Variants in TBC1D32 observed in about 807,000 individuals in gnomAD.
The protein encoded by TBC1D32 is TBC1 domain family member 32, also known as protein broad-minded.
In TBC1D32, 151 loss-of-function variants were observed where a neutral mutation model predicts 170.3. The ratio of observed to expected loss-of-function variants is 0.89; its 90% CI spans 0.78 to 1.01. TBC1D32 has a LOEUF of 1.01. TBC1D32 is among the 50% of genes least tolerant of loss of function. The probability of loss-of-function intolerance (pLI) is 0.00; values close to 1 mark genes in which losing one functional copy is unlikely to be tolerated. For missense variants in TBC1D32, 1,464 were observed against 1,457.1 expected, an observed-to-expected ratio of 1.00 and a Z score of -0.08; for synonymous variants, 498 against 488.0, an observed-to-expected ratio of 1.02 and a Z score of -0.27.
At chr6:121,112,913 A>G in intron 28 of TBC1D32, 149 bp downstream of exon 28, 1 of 642,780 alleles carries the variant, frequency 1.6e-6, no homozygotes, top group Non-Finnish European at 2.5e-6. Flanking sequence ...TAAAATACAG[A>G]ATAAAATACT....
rs1357744512 is a variant in TBC1D32 at position 121,304,514 on chromosome 6, A to G, written c.873+8T>C. On this transcript the variant is annotated splice_region_variant and intron_variant, in intron 7 of 31. Coordinates refer to ENST00000398212, the MANE Select transcript of TBC1D32 (RefSeq NM_152730.6). ...TAAAAATGAAAGCATATTGTAGTAA[A>G]TGGATACCTTTTTAAGTAAGCGAGT... 6.2e-7 allele frequency: 1 copy of G among 1,605,926 alleles called. No individual in the cohort carries two copies. The highest frequency in any genetic ancestry group is 1.7e-5 in the Admixed American group (1 of 59,264).
intron 24 of TBC1D32, among the ~76,000 whole-genome samples, chr6:121,148,640 G>A (rs1783794446): frequency 6.6e-6 from 1 of 151,792 alleles, no homozygotes; most frequent in South Asian, 2.1e-4. Flanking sequence ...TTTAGATGGA[G>A]TCTCGCTCTG....
chr6:121,100,233 T>C lies in TBC1D32; in HGVS notation c.3465+5790A>G, dbSNP rs572931720. Among the ~76,000 whole-genome samples the C allele has an allele frequency of 2.6e-5, 4 of 152,114 alleles. 1 individual carries two copies. Among genetic ancestry groups the C allele is most frequent in the South Asian group, 4.1e-4 (2 of 4,826 alleles). On this transcript the variant is annotated intron_variant, in intron 30 of 31. Coordinates refer to ENST00000398212, the MANE Select transcript of TBC1D32 (RefSeq NM_152730.6). ...AAGTGCGATGTGGTGCTGAGAAGAA[T>C]GTATATTCTGCTGATATGGGGTGGA...
intron 21 of TBC1D32, among the ~76,000 whole-genome samples, chr6:121,218,672 T>G (rs1794122542): frequency 6.6e-6 from 1 of 152,126 alleles, no homozygotes; most frequent in Admixed American, 6.5e-5. Flanking sequence ...TAGATATATA[T>G]ATAGATACAT....
At chr6:121,292,425 T>C (rs899054984) in intron 11 of TBC1D32, among the ~76,000 whole-genome samples, 2 of 152,194 alleles carry the variant, frequency 1.3e-5, no homozygotes, top group South Asian at 2.1e-4. Flanking sequence ...AGTATACATA[T>C]AGTGTCCATT....
intron 30 of TBC1D32, among the ~76,000 whole-genome samples, chr6:121,104,893 G>T (rs568225706): frequency 2.2e-4 from 33 of 151,620 alleles, no homozygotes; most frequent in African/African-American, 8.0e-4. Flanking sequence ...AATTTAAATG[G>T]CCAGTTTAAA....
intron 26 of TBC1D32, among the ~76,000 whole-genome samples, chr6:121,122,874 A>G (rs1780417525): frequency 6.6e-6 from 1 of 152,032 alleles, no homozygotes; most frequent in South Asian, 2.1e-4. Flanking sequence ...CTGCATGGAA[A>G]GAAAGTATGA....
Position 121,154,034 on chromosome 6 carries a change from G to C in TBC1D32, c.2773+5976C>G, listed in dbSNP as rs564082044. 5.4e-5 allele frequency among the ~76,000 whole-genome samples: 3 copies of C among 55,884 alleles called. No individual in the cohort carries two copies. In the East Asian group the frequency reaches 1.2e-3, roughly 22 times the overall value. The allele number at this position is 55,884 out of a possible 152,430, so 36.7% of individuals were successfully genotyped here. A position where few individuals can be genotyped will look rare whatever the true frequency, so the allele number is the denominator to read the frequency against. ...CTTGATGGCATTCCAGGAGACACTA[G>C]GGTACAAAAAAAAAAAAAAAACCTC... On this transcript the variant is annotated intron_variant, in intron 24 of 31. Coordinates refer to ENST00000398212, the MANE Select transcript of TBC1D32 (RefSeq NM_152730.6).
At chr6:121,230,673 G>A (rs76740188) in intron 20 of TBC1D32, among the ~76,000 whole-genome samples, 3,651 of 150,992 alleles carry the variant, frequency 0.024, 163 homozygotes, top group East Asian at 0.12. Context: ...ATACACACAC[G>A]TGTATATATA....
chr6:121,287,718 C>T (rs1804105795), intron 12 of TBC1D32, among the ~76,000 whole-genome samples: 3 of 152,152 alleles, frequency 2.0e-5, no homozygotes, highest in Non-Finnish European at 4.4e-5. Context: ...CAACACCACA[C>T]CGCACTTATT....
intron 11 of TBC1D32, among the ~76,000 whole-genome samples, chr6:121,293,162 T>G (rs1172166289): frequency 6.6e-6 from 1 of 151,222 alleles, no homozygotes; most frequent in Non-Finnish European, 1.5e-5. Context: ...TGAAGCACCC[T>G]GAGGTCTTTA....
At chr6:121,097,824 A>T (rs1033491310) in intron 30 of TBC1D32, among the ~76,000 whole-genome samples, 13 of 152,190 alleles carry the variant, frequency 8.5e-5, no homozygotes, top group Admixed American at 1.3e-4. Context: ...AGACTGGATT[A>T]GGAAAATGTG....
chr6:121,106,026 T>C lies in TBC1D32; in HGVS notation c.3462A>G (p.Ser1154=). The change falls in exon 30 of 32, where the codon TCA becomes TCG. Residue 1154 remains serine (S), a synonymous_variant. Transcript: ENST00000398212. ...SAFHMSGFAP[S]QICLQWITQC... ...ATGCTACTCCCTTATGGATTACCTG[T>C]GATGGTGCAAAACCAGACATGTGAA... The C allele has an allele frequency of 6.2e-7, 1 of 1,605,496 alleles. No individual in the cohort carries two copies. Among genetic ancestry groups the C allele is most frequent in the Non-Finnish European group, 8.5e-7 (1 of 1,174,264 alleles).
At chr6:121,300,770 A>C (rs994103427) in intron 9 of TBC1D32, among the ~76,000 whole-genome samples, 2 of 152,212 alleles carry the variant, frequency 1.3e-5, no homozygotes, top group Admixed American at 1.3e-4. Flanking sequence ...GAATGGGAGA[A>C]AATTTTTGCA....
intron 29 of TBC1D32, among the ~76,000 whole-genome samples, chr6:121,111,047 C>G (rs1315192544): frequency 2.0e-5 from 3 of 152,166 alleles, no homozygotes; most frequent in Admixed American, 6.5e-5. Context: ...AGAGATCATT[C>G]CGAAAACCCC....
At chr6:121,237,857 A>G (rs1796509882) in intron 20 of TBC1D32, among the ~76,000 whole-genome samples, 1 of 152,088 alleles carries the variant, frequency 6.6e-6, no homozygotes, top group Non-Finnish European at 1.5e-5. Flanking sequence ...TCAAGAATGA[A>G]TCACATTTCC....
chr6:121,201,402 T>C lies in TBC1D32; in HGVS notation c.2570+3673A>G, dbSNP rs754208483. Among the ~76,000 whole-genome samples, 9 of 151,536 alleles carry C rather than the reference T, an allele frequency of 5.9e-5. No individual in the cohort carries two copies. The South Asian group carries it at 1.9e-3, about 31-fold the overall frequency. On this transcript the variant is annotated intron_variant, in intron 22 of 31. Transcript: ENST00000398212. ...GTTAGGAAATGGGCAAAGGAACTAC[T>C]TTTTAACACAGGTGAGGACAGGGGA...
chr6:121,185,484 T>G (rs555239749), intron 22 of TBC1D32, among the ~76,000 whole-genome samples: 1 of 152,238 alleles, frequency 6.6e-6, no homozygotes, highest in Non-Finnish European at 1.5e-5. Flanking sequence ...CAAATTTGTA[T>G]AGGAAATATC....
chr6:121,270,064 C>T (rs377374885), intron 15 of TBC1D32, among the ~76,000 whole-genome samples: 27 of 151,860 alleles, frequency 1.8e-4, no homozygotes, highest in South Asian at 4.2e-4. Flanking sequence ...TTGAAACCAA[C>T]GAGAACAAAG....
Sources: allele counts gnomAD v4.1 joint callset (sites outside exome capture counted in the v4.1 genomes callset), GRCh38; gene constraint gnomAD v4.1.1; transcripts MANE v1.5; gene names NCBI Gene and HGNC (gene_info 2026-07-23, HGNC 2026-07-21).